The following SMYD4 variants were observed in gnomAD, a reference collection of about 807,000 sequenced individuals.
SMYD4 encodes the protein protein-lysine N-methyltransferase SMYD4.
In SMYD4, 68 loss-of-function variants were observed where a neutral mutation model predicts 72.8. The ratio of observed to expected loss-of-function variants is 0.93; its 90% CI spans 0.77 to 1.14. The LOEUF (loss-of-function observed/expected upper bound fraction) is 1.14. Among genes scored for constraint, SMYD4 ranks in the 50% most tolerant of loss-of-function variants. The pLI, the probability that SMYD4 is intolerant of heterozygous loss-of-function variation, is 0.00. For missense variants in SMYD4, 984 were observed against 1,003.7 expected, an observed-to-expected ratio of 0.98 and a Z score of 0.27; for synonymous variants, 407 against 388.6, an observed-to-expected ratio of 1.05 and a Z score of -0.56.
rs143274453 is a variant in SMYD4 at position 1,787,588 on chromosome 17, G to A, written c.1554C>T (p.Ile518=). ...GGCGCACCTGCCTGCTGTCGGTAAC[G>A]ATGCTCCCTTTAGGTCCTGAAAGGG... The part of the protein sequence containing the change: ...TIQHTGPKGS[I]VTDSRQVRLA... The change falls in exon 6 of 11, where the codon ATC becomes ATT. Residue 518 remains isoleucine (I), a synonymous_variant. Transcript: ENST00000305513. 9.4e-6 allele frequency: 15 copies of A among 1,590,516 alleles called. No homozygotes were observed. Among genetic ancestry groups the A allele is most frequent in the African/African-American group, 9.4e-5 (7 of 74,516 alleles).
rs913383999 is a variant in SMYD4 at position 1,828,048 on chromosome 17, A to G, written c.-12-42T>C. The G allele has an allele frequency of 3.7e-5, 59 of 1,575,102 alleles. No homozygotes were observed. In the African/African-American group the frequency reaches 7.8e-4, roughly 21 times the overall value. Reference sequence around the variant, plus strand: ...AAAATAGGAATCTTACAAATGCACAATTTTAGAAAATCAAGAGTTCAGCCA... The same window carrying G: ...AAAATAGGAATCTTACAAATGCACAGTTTTAGAAAATCAAGAGTTCAGCCA... On this transcript the variant is annotated intron_variant, in intron 1 of 10. Transcript: ENST00000305513.
intron 5 of SMYD4, among the ~76,000 whole-genome samples, chr17:1,795,088 C>T (rs370003803): frequency 1.6e-3 from 246 of 152,204 alleles, no homozygotes; most frequent in Middle Eastern, 6.8e-3. Context: ...CTTTTATCAC[C>T]GGCTTTCTAA....
chr17:1,791,523 A>G (rs1909029373), intron 5 of SMYD4, among the ~76,000 whole-genome samples: 1 of 152,192 alleles, frequency 6.6e-6, no homozygotes, highest in African/African-American at 2.4e-5. Flanking sequence ...TGGAACCCCA[A>G]AGAAATAATA....
At position 1,828,145 on chromosome 17, in the gene SMYD4, T is replaced by A. The variant is rs961795159; in HGVS notation, c.-12-139A>T. ...GTAGGTGGATCACGAGGTCAGGAGA[T>A]GGAGACCATCCTGGCTAACACAGTG... On this transcript the variant is annotated intron_variant, in intron 1 of 10. Transcript: ENST00000305513. 7.0e-6 allele frequency: 5 copies of A among 712,288 alleles called. 1 individual carries two copies. The Admixed American group carries it at 1.3e-4, about 19-fold the overall frequency. 44.1% of individuals were successfully genotyped at this position (712,288 alleles called of 1,614,324 possible).
At chr17:1,807,249 C>T (rs997687088) in intron 3 of SMYD4, among the ~76,000 whole-genome samples, 1 of 151,700 alleles carries the variant, frequency 6.6e-6, no homozygotes, top group Non-Finnish European at 1.5e-5. Flanking sequence ...AAACAAGCAT[C>T]GATCCACAGG....
chr17:1,820,350 C>T (rs1181145880), intron 2 of SMYD4, among the ~76,000 whole-genome samples: 1 of 151,982 alleles, frequency 6.6e-6, no homozygotes, highest in Non-Finnish European at 1.5e-5. Context: ...AGCAATTTTC[C>T]CACCTCAGCC....
At chr17:1,807,049 C>A (rs538611090) in intron 3 of SMYD4, among the ~76,000 whole-genome samples, 161 of 152,132 alleles carry the variant, frequency 1.1e-3, no homozygotes, top group Middle Eastern at 3.4e-3. Flanking sequence ...CGCCACCATG[C>A]CCAGCTTATT....
intron 9 of SMYD4, 27 bp from the exon 10 acceptor site, chr17:1,783,185 A>T (rs1240890547): frequency 6.2e-7 from 1 of 1,613,960 alleles, no homozygotes; most frequent in South Asian, 1.1e-5. Flanking sequence ...ATCTTGTTCC[A>T]GAAAAGAACC....
In SMYD4 at chr17:1,798,387, C is replaced by A. The variant is rs548295655; in HGVS notation, c.1537+1470G>T. 1.5e-4 allele frequency among the ~76,000 whole-genome samples: 23 copies of A among 152,142 alleles called. No individual in the cohort carries two copies. The East Asian group carries it at 4.5e-3, about 29-fold the overall frequency. On this transcript the variant is annotated intron_variant, in intron 5 of 10. Transcript: ENST00000305513. Reference sequence around the variant, plus strand: ...CCTCCCAAAGTGCTGGGATTACAGGCGTACTGTGTCAGGCCTTTTGTGTAT... The same window carrying A: ...CCTCCCAAAGTGCTGGGATTACAGGAGTACTGTGTCAGGCCTTTTGTGTAT...
chr17:1,799,669 T>G (rs910217986), intron 5 of SMYD4, among the ~76,000 whole-genome samples, 188 bp downstream of exon 5: 1 of 152,154 alleles, frequency 6.6e-6, no homozygotes, highest in East Asian at 1.9e-4. Context: ...CCACCACGCC[T>G]GGCAGGATCA....
At chr17:1,804,555 A>T in intron 4 of SMYD4, 71 bp downstream of exon 4, 1 of 1,292,394 alleles carries the variant, frequency 7.7e-7, no homozygotes, top group Non-Finnish European at 1.1e-6. Context: ...AGAAGCAGAG[A>T]TGAAGGTCTA....
At chr17:1,788,550 CCTGA>C (rs1465263825) in intron 5 of SMYD4, among the ~76,000 whole-genome samples, 2 of 151,610 alleles carry the variant, frequency 1.3e-5, no homozygotes, top group African/African-American at 2.4e-5. Flanking sequence ...TCGAGACCAT[CCTGA>C]CTAACACGGT....
intron 3 of SMYD4, among the ~76,000 whole-genome samples, chr17:1,809,409 C>T (rs889362888): frequency 6.6e-6 from 1 of 151,302 alleles, no homozygotes; most frequent in Non-Finnish European, 1.5e-5. Flanking sequence ...GAGTCTTGCT[C>T]TGTCGCCCAG....
At chr17:1,828,206 C>A (rs1911303742) in intron 1 of SMYD4, among the ~76,000 whole-genome samples, 200 bp from the exon 2 acceptor site, 2 of 152,028 alleles carry the variant, frequency 1.3e-5, no homozygotes, top group South Asian at 4.2e-4. Flanking sequence ...AAAAAATTAG[C>A]CAGGTGTGGT....
intron 5 of SMYD4, among the ~76,000 whole-genome samples, chr17:1,797,004 C>G (rs1909441903): frequency 6.6e-6 from 1 of 152,142 alleles, no homozygotes. Flanking sequence ...ATCATGGGAC[C>G]AGGCCAGTCC....
intron 3 of SMYD4, among the ~76,000 whole-genome samples, chr17:1,809,155 G>A (rs548440704): frequency 6.6e-6 from 1 of 152,130 alleles, no homozygotes; most frequent in South Asian, 2.1e-4. Flanking sequence ...GGAATTACAC[G>A]AGTGAGCCAC....
intron 5 of SMYD4, among the ~76,000 whole-genome samples, chr17:1,796,981 G>A (rs945293738): frequency 2.1e-4 from 32 of 152,340 alleles, no homozygotes; most frequent in Middle Eastern, 3.4e-3. Context: ...AACCTGACAT[G>A]TGATTTAGTA....
At chr17:1,783,520 A>G (rs755663807) in intron 8 of SMYD4, 44 bp from the exon 9 acceptor site, 1 of 1,558,308 alleles carries the variant, frequency 6.4e-7, no homozygotes, top group South Asian at 1.2e-5. Flanking sequence ...ACAGAAGCCC[A>G]GTCCTAGGAA....
chr17:1,820,669 C>T (rs1297025677), intron 2 of SMYD4, among the ~76,000 whole-genome samples: 2 of 152,094 alleles, frequency 1.3e-5, no homozygotes, highest in Non-Finnish European at 2.9e-5. Flanking sequence ...GATAGTGAAG[C>T]TATTAAGAAT....
Sources: allele counts gnomAD v4.1 joint callset (sites outside exome capture counted in the v4.1 genomes callset), GRCh38; gene constraint gnomAD v4.1.1; transcripts MANE v1.5; gene names NCBI Gene and HGNC (gene_info 2026-07-23, HGNC 2026-07-21).